Variants in PTPRM observed in about 807,000 individuals in gnomAD.
The protein encoded by PTPRM is receptor-type tyrosine-protein phosphatase mu.
PTPRM carries 47 observed loss-of-function variants against 186.7 expected under a neutral mutation model. The observed-to-expected ratio is 0.25, with a 90% confidence interval of 0.20 to 0.32. The LOEUF is 0.32. Among genes scored for constraint, PTPRM ranks in the 10% least tolerant of loss-of-function variants. PTPRM has a pLI of 1.00. For synonymous variants in PTPRM, 668 were observed against 674.9 expected (o/e 0.99, Z 0.16); for missense variants, 1,494 against 1,865.0 (o/e 0.80, Z 3.66).
At chr18:8,331,153 G>A (rs1463310592) in intron 22 of PTPRM, among the ~76,000 whole-genome samples, 3 of 152,102 alleles carry the variant, frequency 2.0e-5, no homozygotes, top group African/African-American at 4.8e-5. Context: ...AATAGTTTAC[G>A]TAACTGCTAG....
chr18:7,913,722 T>C (rs187737604), intron 4 of PTPRM, among the ~76,000 whole-genome samples: 1 of 152,280 alleles, frequency 6.6e-6, no homozygotes, highest in Admixed American at 6.5e-5. Context: ...TGAAACATTA[T>C]ACGAAGTTAC....
intron 20 of PTPRM, among the ~76,000 whole-genome samples, chr18:8,297,533 A>G (rs1253700451): frequency 2.0e-5 from 3 of 152,224 alleles, no homozygotes; most frequent in African/African-American, 7.2e-5. Flanking sequence ...TGCACTGTGT[A>G]CTTGGAATAT....
intron 20 of PTPRM, among the ~76,000 whole-genome samples, chr18:8,311,799 C>G: frequency 6.6e-6 from 1 of 152,136 alleles, no homozygotes; most frequent in Non-Finnish European, 1.5e-5. Context: ...AACTCTACTT[C>G]AGAGGCTCTG....
chr18:7,772,561 G>A (rs1475986680), intron 1 of PTPRM, among the ~76,000 whole-genome samples: 1 of 146,396 alleles, frequency 6.8e-6, no homozygotes, highest in Non-Finnish European at 1.5e-5. Context: ...TACATTTCAA[G>A]AAGCAGAGTT....
intron 1 of PTPRM, among the ~76,000 whole-genome samples, chr18:7,704,895 G>T (rs1237279343): frequency 2.6e-5 from 4 of 152,100 alleles, no homozygotes; most frequent in South Asian, 2.1e-4. Context: ...TTAGCTGGGA[G>T]ATTTACATTA....
In PTPRM at chr18:8,016,423, G is replaced by C. The variant is rs1228030213; in HGVS notation, c.1133-53263G>C. Among the ~76,000 whole-genome samples, 3 of 151,738 alleles carry C rather than the reference G, an allele frequency of 2.0e-5. No homozygotes were observed. The East Asian group carries it at 5.8e-4, about 29-fold the overall frequency. On this transcript the variant is annotated intron_variant, in intron 7 of 32. Transcript: ENST00000580170. ...TAATCCCAGCTACTCGGGAGACCGA[G>C]GCATGAGAGTCACTTGAACCTCTCA...
At chr18:7,619,763 C>T (rs867491720) in intron 1 of PTPRM, among the ~76,000 whole-genome samples, 1 of 152,134 alleles carries the variant, frequency 6.6e-6, no homozygotes, top group Admixed American at 6.6e-5. Flanking sequence ...TATTCGGACT[C>T]TCCTCCTGCG....
chr18:7,815,730 A>G (rs2044781749), intron 2 of PTPRM: 1 of 152,180 alleles, frequency 6.6e-6, no homozygotes, highest in African/African-American at 2.4e-5. Context: ...AAGAAAAGAA[A>G]TAGAGGCCTA....
At chr18:8,392,047 C>T (rs2095816005) in intron 31 of PTPRM, among the ~76,000 whole-genome samples, 1 of 152,026 alleles carries the variant, frequency 6.6e-6, no homozygotes, top group East Asian at 1.9e-4. Flanking sequence ...GAACTTGTTT[C>T]CTCAACAAAT....
At chr18:7,762,426 G>A (rs545952556) in intron 1 of PTPRM, among the ~76,000 whole-genome samples, 5 of 152,214 alleles carry the variant, frequency 3.3e-5, no homozygotes, top group South Asian at 2.1e-4. Flanking sequence ...ACAGATAGTC[G>A]GGAATTACTA....
chr18:7,680,929 C>T (rs924484497), intron 1 of PTPRM, among the ~76,000 whole-genome samples: 9 of 152,132 alleles, frequency 5.9e-5, no homozygotes, highest in African/African-American at 2.2e-4. Flanking sequence ...CCAGATGCTT[C>T]AAGGTCACCA....
intron 14 of PTPRM, among the ~76,000 whole-genome samples, chr18:8,174,137 A>C (rs994515589): frequency 6.6e-6 from 1 of 152,198 alleles, no homozygotes; most frequent in East Asian, 1.9e-4. Context: ...GGAAGTTGCA[A>C]ATCTTGTCAC....
chr18:7,813,044 A>G (rs1350190028), intron 2 of PTPRM, among the ~76,000 whole-genome samples: 1 of 152,194 alleles, frequency 6.6e-6, no homozygotes, highest in Non-Finnish European at 1.5e-5. Context: ...CTGACGAATT[A>G]CCCCTGTGAC....
At chr18:7,769,287 T>C (rs2042163349) in intron 1 of PTPRM, among the ~76,000 whole-genome samples, 1 of 152,156 alleles carries the variant, frequency 6.6e-6, no homozygotes, top group Non-Finnish European at 1.5e-5. Context: ...AAGTATCTGC[T>C]TCACGACTCT....
chr18:7,740,995 C>A (rs2040873667), intron 1 of PTPRM, among the ~76,000 whole-genome samples: 1 of 152,094 alleles, frequency 6.6e-6, no homozygotes, highest in Non-Finnish European at 1.5e-5. Flanking sequence ...CTGGGCCTCA[C>A]AGTTTGTAAG....
chr18:8,006,727 A>C (rs1600023493), intron 7 of PTPRM, among the ~76,000 whole-genome samples: 1 of 152,294 alleles, frequency 6.6e-6, no homozygotes, highest in East Asian at 1.9e-4. Context: ...GTCACACCAA[A>C]CACTGCCACA....
chr18:8,222,285 A>T (rs573143720), intron 14 of PTPRM, among the ~76,000 whole-genome samples: 209 of 152,354 alleles, frequency 1.4e-3, no homozygotes, highest in Non-Finnish European at 2.4e-3. Flanking sequence ...AAGAAATCAC[A>T]GTGCTGTTTA....
intron 23 of PTPRM, among the ~76,000 whole-genome samples, chr18:8,368,732 T>C (rs1455530506): frequency 6.6e-6 from 1 of 152,208 alleles, no homozygotes; most frequent in African/African-American, 2.4e-5. Flanking sequence ...CAGATTTCTT[T>C]TGTAAACTTT....
At chr18:7,763,853 C>T (rs1399541779) in intron 1 of PTPRM, among the ~76,000 whole-genome samples, 1 of 152,050 alleles carries the variant, frequency 6.6e-6, no homozygotes, top group African/African-American at 2.4e-5. Flanking sequence ...AGTTTATCAG[C>T]TGTCCCAGAT....
Sources: allele counts gnomAD v4.1 joint callset (sites outside exome capture counted in the v4.1 genomes callset), GRCh38; gene constraint gnomAD v4.1.1; transcripts MANE v1.5; gene names NCBI Gene and HGNC (gene_info 2026-07-23, HGNC 2026-07-21).